CTIF: variants seen among roughly 807,000 people sequenced by gnomAD.
The protein encoded by CTIF is cap binding complex dependent translation initiation factor.
In CTIF, 21 loss-of-function variants were observed where a neutral mutation model predicts 66.0. The observed-to-expected ratio is 0.32, with a 90% CI of 0.23 to 0.46. The LOEUF is 0.46. CTIF is among the 20% of genes least tolerant of loss of function. CTIF has a pLI of 1.00. For synonymous variants in CTIF, 345 were observed against 326.4 expected (o/e 1.06, Z -0.62); for missense variants, 739 against 812.7 (o/e 0.91, Z 1.10).
intron 7 of CTIF, among the ~76,000 whole-genome samples, chr18:48,723,226 C>T (rs1278123700): frequency 6.6e-6 from 1 of 152,134 alleles, no homozygotes. Flanking sequence ...CCCTGTTAAC[C>T]ACCTGATCAA....
rs149415176 is a variant in CTIF at position 48,794,577 on chromosome 18, G to A, written c.1372-22644G>A. On this transcript the variant is annotated intron_variant, in intron 9 of 11. Coordinates refer to ENST00000256413, the MANE Select transcript of CTIF (RefSeq NM_014772.3). ...TCAGTAGCCAACTGCCTGAGGTGGG[G>A]GGTTGAAGGGAAACTTGGAATCAGA... is the stretch of plus-strand genomic sequence containing the variant. 4.7e-3 allele frequency among the ~76,000 whole-genome samples: 709 copies of A among 152,288 alleles called. 4 individuals are homozygous for A. The highest frequency in any genetic ancestry group is 0.021 in the Middle Eastern group (6 of 292).
In CTIF at chr18:48,829,420, G is replaced by A. The variant is rs117810832; in HGVS notation, c.1527+12044G>A. Among the ~76,000 whole-genome samples, 1,006 of 152,238 alleles carry A rather than the reference G, an allele frequency of 6.6e-3. 9 individuals are homozygous for A. Among genetic ancestry groups the A allele is most frequent in the Middle Eastern group, 0.017 (5 of 294 alleles). ...TTACACATTTCAGAGATCATAAACCGGGCACTGGGGGTGCAAAAAATGGCC... is the reference window on the plus strand; with the variant it reads ...TTACACATTTCAGAGATCATAAACCAGGCACTGGGGGTGCAAAAAATGGCC... On this transcript the variant is annotated intron_variant, in intron 10 of 11. Coordinates refer to ENST00000256413, the MANE Select transcript of CTIF (RefSeq NM_014772.3).
chr18:48,633,706 A>C (rs1171862290), intron 2 of CTIF, among the ~76,000 whole-genome samples: 1 of 99,018 alleles, frequency 1.0e-5, no homozygotes, highest in Non-Finnish European at 2.1e-5. Context: ...CATCTCAATA[A>C]ATAAATAAAT....
At chr18:48,773,185 C>T (rs950625282) in intron 9 of CTIF, among the ~76,000 whole-genome samples, 22 of 152,162 alleles carry the variant, frequency 1.4e-4, no homozygotes, top group African/African-American at 5.3e-4. Flanking sequence ...ATAGATCATC[C>T]AGTCCAACCC....
In CTIF at chr18:48,600,133, T is replaced by C. The variant is rs367988095; in HGVS notation, c.-28-19405T>C. Among the ~76,000 whole-genome samples the C allele has an allele frequency of 2.0e-5, 3 of 152,112 alleles. No homozygotes were observed. In the East Asian group the frequency reaches 5.8e-4, roughly 30 times the overall value. ...AGCACTAAAAGCAATCAAACCTGAG[T>C]GTGTGCAGAGTCTGCCCCCAACCCC... On this transcript the variant is annotated intron_variant, in intron 1 of 11. Transcript: ENST00000256413.
intron 1 of CTIF, among the ~76,000 whole-genome samples, chr18:48,560,775 G>A (rs545228851): frequency 3.3e-4 from 50 of 151,896 alleles, no homozygotes; most frequent in African/African-American, 9.2e-4. Flanking sequence ...GTTCCACCAC[G>A]TTGCCCAGGC....
chr18:48,722,911 T>C (rs1162578459), intron 7 of CTIF, among the ~76,000 whole-genome samples: 1 of 152,240 alleles, frequency 6.6e-6, no homozygotes, highest in African/African-American at 2.4e-5. Context: ...CAGGCAAGCC[T>C]GGCCCACCCT....
chr18:48,550,477 A>ACCTTCCCCT (rs1287004265), intron 1 of CTIF, among the ~76,000 whole-genome samples: 1 of 152,136 alleles, frequency 6.6e-6, no homozygotes, highest in Non-Finnish European at 1.5e-5. Context: ...GGTGGATGCC[A>ACCTTCCCCT]CCTTCCCCTC....
rs2092311166 is a variant in CTIF at position 48,719,332 on chromosome 18, A to G, written c.584+7637A>G. On this transcript the variant is annotated intron_variant, in intron 7 of 11. Transcript: ENST00000256413. ...CTATCTGGAACTTGCTGCTCCTTTT[A>G]GCACCTCAGAACACTCTACCAGTCA... Among the ~76,000 whole-genome samples the G allele has an allele frequency of 1.3e-5, 2 of 152,070 alleles. 1 individual carries two copies. The highest frequency in any genetic ancestry group is 4.1e-4 in the South Asian group (2 of 4,820).
intron 9 of CTIF, among the ~76,000 whole-genome samples, chr18:48,770,738 G>C (rs1453026610): frequency 6.6e-6 from 1 of 152,240 alleles, no homozygotes; most frequent in Non-Finnish European, 1.5e-5. Flanking sequence ...ATCGATTGCT[G>C]CCTCGATGCT....
intron 7 of CTIF, among the ~76,000 whole-genome samples, chr18:48,749,844 C>T (rs1330064664): frequency 6.6e-6 from 1 of 152,174 alleles, no homozygotes; most frequent in East Asian, 1.9e-4. Flanking sequence ...GGGGGATGCC[C>T]AGAGCCACCA....
intron 9 of CTIF, among the ~76,000 whole-genome samples, chr18:48,805,835 G>A (rs1226796953): frequency 6.6e-6 from 1 of 152,238 alleles, no homozygotes. Flanking sequence ...CCTTTGGACA[G>A]GTTGTCCTCT....
At chr18:48,829,195 C>T (rs56972013) in intron 10 of CTIF, among the ~76,000 whole-genome samples, 3,679 of 152,222 alleles carry the variant, frequency 0.024, 150 homozygotes, top group African/African-American at 0.085. Flanking sequence ...CACAAGCATC[C>T]GTCTAGATTT....
intron 7 of CTIF, among the ~76,000 whole-genome samples, chr18:48,714,958 A>T (rs1353242749): frequency 1.3e-5 from 2 of 152,172 alleles, no homozygotes; most frequent in East Asian, 3.9e-4. Context: ...GGTGCTCAGG[A>T]AGGCTTTCAA....
At chr18:48,695,233 A>G (rs1390038905) in intron 6 of CTIF, among the ~76,000 whole-genome samples, 2 of 152,218 alleles carry the variant, frequency 1.3e-5, no homozygotes, top group Non-Finnish European at 2.9e-5. Flanking sequence ...GCCCACCACA[A>G]TTGGGGCTAA....
intron 9 of CTIF, among the ~76,000 whole-genome samples, chr18:48,812,029 C>G (rs1017021000): frequency 2.6e-5 from 4 of 152,220 alleles, no homozygotes; most frequent in African/African-American, 9.7e-5. Context: ...GTGGCATGAT[C>G]TCAGCTCACT....
intron 10 of CTIF, among the ~76,000 whole-genome samples, chr18:48,827,038 G>A (rs2068595823): frequency 6.6e-6 from 1 of 152,126 alleles, no homozygotes; most frequent in Non-Finnish European, 1.5e-5. Context: ...TTGAGCCAAG[G>A]CGTGGGGGCC....
At chr18:48,544,232 C>T (rs2088693697) in intron 1 of CTIF, among the ~76,000 whole-genome samples, 2 of 152,338 alleles carry the variant, frequency 1.3e-5, no homozygotes, top group South Asian at 2.1e-4. Flanking sequence ...TTTGGCTTTA[C>T]AGTTTGCAAA....
chr18:48,612,539 G>A (rs2090325880), intron 1 of CTIF, among the ~76,000 whole-genome samples: 2 of 152,370 alleles, frequency 1.3e-5, no homozygotes, highest in African/African-American at 4.8e-5. Flanking sequence ...TTGCTGGAGA[G>A]CAACCTGGGA....
Sources: gnomAD v4.1 joint callset for allele counts (sites outside exome capture counted in the v4.1 genomes callset) on GRCh38, gnomAD v4.1.1 for gene constraint, MANE v1.5 for transcripts, NCBI Gene and HGNC (gene_info 2026-07-23, HGNC 2026-07-21) for gene names.